KCNK10: variants seen among roughly 807,000 people sequenced by gnomAD.
The protein encoded by KCNK10 is potassium channel subfamily K member 10.
A neutral mutation model predicts 47.7 loss-of-function variants in KCNK10; 25 were observed. The ratio of observed to expected loss-of-function variants is 0.52; its 90% confidence interval spans 0.38 to 0.73. The LOEUF (loss-of-function observed/expected upper bound fraction) is 0.73. Among genes scored for constraint, KCNK10 ranks in the 30% least tolerant of loss-of-function variants. The pLI is 0.00. For synonymous variants in KCNK10, 303 were observed against 285.6 expected, an observed-to-expected ratio of 1.06 and a Z score of -0.61; for missense variants, 563 against 714.5, an observed-to-expected ratio of 0.79 and a Z score of 2.42.
In KCNK10 at chr14:88,283,204, G is replaced by A. The variant is rs542051456; in HGVS notation, c.53-19653C>T. Among the ~76,000 whole-genome samples the A allele has an allele frequency of 1.2e-4, 19 of 152,246 alleles. No individual in the cohort carries two copies. The South Asian group carries it at 3.7e-3, about 30-fold the overall frequency. On this transcript the variant is annotated intron_variant, in intron 1 of 6. Transcript: ENST00000319231. ...AAGGAAAACTGGGAACAAAGATCAC[G>A]ATATGATCACTCTTTCTGGGACACA...
intron 1 of KCNK10, among the ~76,000 whole-genome samples, chr14:88,297,130 G>T (rs1463430248): frequency 1.3e-5 from 2 of 152,130 alleles, no homozygotes; most frequent in African/African-American, 4.8e-5. Context: ...AGCCTGGTAG[G>T]TAGTAAATAA....
At position 88,186,490 on chromosome 14, in the gene KCNK10, T is replaced by C. The variant is rs1262003364; in HGVS notation, c.1012-335A>G. Among the ~76,000 whole-genome samples the C allele has an allele frequency of 6.6e-6, 1 of 152,172 alleles. No individual in the cohort carries two copies. Among genetic ancestry groups the C allele is most frequent in the African/African-American group, 2.4e-5 (1 of 41,442 alleles). The stretch of plus-strand genomic sequence containing the variant: ...TGGACAGGCCTGGCTTCCAGCTCTC[T>C]CTTATCAATTGCATGGCCTCATTCC... On this transcript the variant is annotated intron_variant, in intron 6 of 6. Coordinates refer to ENST00000319231, the MANE Select transcript of KCNK10 (RefSeq NM_138317.3). The surrounding 1 kb of genome is among the most constrained non-coding windows in gnomAD (Gnocchi z 5.5).
intron 2 of KCNK10, among the ~76,000 whole-genome samples, chr14:88,254,116 A>AG (rs1294798312): frequency 6.6e-6 from 1 of 152,168 alleles, no homozygotes; most frequent in Admixed American, 6.5e-5. Flanking sequence ...TTCTTCAGAC[A>AG]GAAAAACTAT....
intron 4 of KCNK10, among the ~76,000 whole-genome samples, chr14:88,204,215 G>C (rs181546229): frequency 1.3e-5 from 2 of 152,318 alleles, no homozygotes; most frequent in Admixed American, 1.3e-4. Flanking sequence ...CGAGCAACAT[G>C]CTCAAGAACA....
intron 1 of KCNK10, among the ~76,000 whole-genome samples, chr14:88,276,271 G>C (rs1887525362): frequency 6.6e-6 from 1 of 151,598 alleles, no homozygotes; most frequent in Non-Finnish European, 1.5e-5. Context: ...AGAACCCAGA[G>C]AGATCTCTTG....
intron 3 of KCNK10, 73 bp downstream of exon 3, chr14:88,240,630 G>A (rs1886427397): frequency 1.0e-6 from 1 of 954,010 alleles, no homozygotes; most frequent in Non-Finnish European, 1.7e-6. Flanking sequence ...ATGCTATGAG[G>A]ACAAAACACT....
chr14:88,272,387 C>T (rs569379819), intron 1 of KCNK10, among the ~76,000 whole-genome samples: 13 of 151,686 alleles, frequency 8.6e-5, no homozygotes, highest in African/African-American at 2.9e-4. Context: ...GAAGAGGAGA[C>T]GAGAATGCAA....
At chr14:88,311,639 G>A (rs1420033702) in intron 1 of KCNK10, among the ~76,000 whole-genome samples, 2 of 152,286 alleles carry the variant, frequency 1.3e-5, no homozygotes, top group Admixed American at 6.5e-5. Flanking sequence ...TCTAGAGTAT[G>A]TATACTACAG....
chr14:88,245,089 G>C (rs998095421), intron 2 of KCNK10, among the ~76,000 whole-genome samples: 1 of 152,148 alleles, frequency 6.6e-6, no homozygotes, highest in African/African-American at 2.4e-5. Context: ...GCACGGGAGT[G>C]AATGTTTTAA....
intron 1 of KCNK10, among the ~76,000 whole-genome samples, chr14:88,313,426 G>A (rs1888367711): frequency 6.6e-6 from 1 of 152,152 alleles, no homozygotes; most frequent in Non-Finnish European, 1.5e-5. Context: ...AACAATATGT[G>A]ATTTTTGAAG....
At chr14:88,269,683 A>G (rs997616292) in intron 1 of KCNK10, among the ~76,000 whole-genome samples, 1 of 152,134 alleles carries the variant, frequency 6.6e-6, no homozygotes, top group African/African-American at 2.4e-5. Flanking sequence ...GCGACCTGCC[A>G]GCATCGACCT....
chr14:88,319,462 TA>T (rs1888499115), intron 1 of KCNK10, among the ~76,000 whole-genome samples: 2 of 152,196 alleles, frequency 1.3e-5, no homozygotes, highest in South Asian at 4.1e-4. Flanking sequence ...TTTTCCCTGC[TA>T]AACACATTTG....
intron 2 of KCNK10, among the ~76,000 whole-genome samples, chr14:88,258,061 C>T (rs1005349758): frequency 2.6e-5 from 4 of 152,126 alleles, no homozygotes; most frequent in Admixed American, 6.6e-5. Context: ...CCGGTGACCC[C>T]ACCCCATCCC....
intron 1 of KCNK10, among the ~76,000 whole-genome samples, chr14:88,309,894 A>C (rs1285085403): frequency 6.6e-6 from 1 of 152,010 alleles, no homozygotes; most frequent in Non-Finnish European, 1.5e-5. Flanking sequence ...AGTTGCTTTC[A>C]GTGACCTTCC....
intron 4 of KCNK10, among the ~76,000 whole-genome samples, chr14:88,205,566 A>G (rs185629704): frequency 0.014 from 1,416 of 102,856 alleles, 14 homozygotes; most frequent in South Asian, 0.022. Context: ...TTTTTTTGAG[A>G]TGGAGTCTTA....
intron 1 of KCNK10, among the ~76,000 whole-genome samples, chr14:88,313,838 C>T (rs1319764362): frequency 2.6e-5 from 4 of 152,192 alleles, no homozygotes; most frequent in Non-Finnish European, 4.4e-5. Context: ...AACATGCTAA[C>T]GTGCATGATG....
intron 2 of KCNK10, among the ~76,000 whole-genome samples, chr14:88,243,125 C>T (rs10134796): frequency 0.087 from 13,290 of 152,206 alleles, 1,329 homozygotes; most frequent in African/African-American, 0.24. Context: ...TTATGCAATT[C>T]ATAAATATTT....
At chr14:88,209,012 T>C (rs1419554671) in intron 4 of KCNK10, among the ~76,000 whole-genome samples, 2 of 152,196 alleles carry the variant, frequency 1.3e-5, no homozygotes, top group African/African-American at 2.4e-5. Context: ...AATTCACTTC[T>C]GCCAAGGAAC....
chr14:88,255,402 A>C (rs1886923167), intron 2 of KCNK10, among the ~76,000 whole-genome samples: 1 of 152,072 alleles, frequency 6.6e-6, no homozygotes, highest in Non-Finnish European at 1.5e-5. Flanking sequence ...TGATGATTGA[A>C]CCTACTTCAG....
Sources: allele counts gnomAD v4.1 joint callset (sites outside exome capture counted in the v4.1 genomes callset), GRCh38; gene constraint gnomAD v4.1.1; non-coding constraint Gnocchi (gnomAD v3.1); transcripts MANE v1.5; gene names NCBI Gene and HGNC (gene_info 2026-07-23, HGNC 2026-07-21).